Variants in SENP5 observed in about 807,000 individuals in gnomAD.
The protein encoded by SENP5 is sentrin-specific protease 5.
Under a neutral mutation model 74.2 loss-of-function variants are expected in SENP5, and 21 were observed. The observed-to-expected ratio is 0.28, with a 90% CI of 0.20 to 0.41. The LOEUF (loss-of-function observed/expected upper bound fraction) is 0.41. SENP5 is among the 10% of genes least tolerant of loss of function. SENP5 has a pLI of 1.00. For missense variants in SENP5, 717 were observed against 889.1 expected, an observed-to-expected ratio of 0.81 and a Z score of 2.46; for synonymous variants, 311 against 312.7, an observed-to-expected ratio of 0.99 and a Z score of 0.06.
intron 2 of SENP5, among the ~76,000 whole-genome samples, chr3:196,888,997 T>G (rs949874438): frequency 6.6e-6 from 1 of 151,768 alleles, no homozygotes; most frequent in Admixed American, 6.6e-5. Context: ...GCGCCTGTAG[T>G]CCCCACTACT....
At chr3:196,869,848 T>C (rs1308316126) in intron 1 of SENP5, among the ~76,000 whole-genome samples, 10 of 141,458 alleles carry the variant, frequency 7.1e-5, no homozygotes, top group Non-Finnish European at 1.5e-4. Context: ...ATCAGCCTTT[T>C]TTTTTTTTTT....
intron 6 of SENP5, 115 bp downstream of exon 6, chr3:196,903,725 A>C: frequency 1.7e-6 from 1 of 590,084 alleles, no homozygotes; most frequent in Non-Finnish European, 2.9e-6. Flanking sequence ...CAGACTTTTT[A>C]ATGTGACAAG....
At chr3:196,925,363 T>TGAGC (rs1311729821) in intron 7 of SENP5, among the ~76,000 whole-genome samples, 1 of 152,192 alleles carries the variant, frequency 6.6e-6, no homozygotes, top group Non-Finnish European at 1.5e-5. Context: ...ATACCAGATG[T>TGAGC]GAGCGTCTTT....
At chr3:196,883,610 A>G (rs775933443) in intron 1 of SENP5, among the ~76,000 whole-genome samples, 1 of 151,718 alleles carries the variant, frequency 6.6e-6, no homozygotes, top group Admixed American at 6.6e-5. Flanking sequence ...TTCCTTTTCA[A>G]CACCACCCAT....
At chr3:196,922,029 A>G (rs1310122602) in intron 6 of SENP5, among the ~76,000 whole-genome samples, 2 of 152,188 alleles carry the variant, frequency 1.3e-5, no homozygotes. Context: ...AGGGATATAT[A>G]TTATGATATA....
chr3:196,903,694 C>T, intron 6 of SENP5, 84 bp downstream of exon 6: 1 of 708,436 alleles, frequency 1.4e-6, no homozygotes, highest in Non-Finnish European at 2.4e-6. Flanking sequence ...ACTTTAATGC[C>T]AATACGATGT....
chr3:196,898,805 A>T lies in SENP5; in HGVS notation c.1514-861A>T, dbSNP rs754933683. ...TTCCATTCCATTGGAAGATGATTCC[A>T]TTCGAGACCATTCGATGATTGCATT... On this transcript the variant is annotated intron_variant, in intron 2 of 9. Transcript: ENST00000323460. 2.6e-5 allele frequency among the ~76,000 whole-genome samples: 4 copies of T among 152,128 alleles called. No individual in the cohort carries two copies. In the East Asian group the frequency reaches 7.7e-4, roughly 29 times the overall value.
At chr3:196,889,124 T>A (rs1018341957) in intron 2 of SENP5, among the ~76,000 whole-genome samples, 2 of 149,764 alleles carry the variant, frequency 1.3e-5, no homozygotes, top group Non-Finnish European at 3.0e-5. Flanking sequence ...TCAAAAAAAA[T>A]AAAAATAAAT....
intron 2 of SENP5, among the ~76,000 whole-genome samples, chr3:196,887,395 G>T (rs1040068041): frequency 3.3e-5 from 5 of 152,092 alleles, no homozygotes; most frequent in African/African-American, 1.2e-4. Context: ...GGCCAGGCTG[G>T]TCTCGACCTC....
intron 5 of SENP5, among the ~76,000 whole-genome samples, chr3:196,902,933 AT>A (rs1299863801): frequency 6.6e-6 from 1 of 152,002 alleles, no homozygotes; most frequent in Non-Finnish European, 1.5e-5. Context: ...TTGTTACCTC[AT>A]TTTTTCATAG....
chr3:196,868,832 AAATTT>A (rs1022125265), intron 1 of SENP5, among the ~76,000 whole-genome samples: 2 of 152,150 alleles, frequency 1.3e-5, no homozygotes, highest in African/African-American at 4.8e-5. Context: ...GAATCTGGTT[AAATTT>A]AATTTAAGAA....
chr3:196,868,282 C>T (rs1248815038), intron 1 of SENP5, among the ~76,000 whole-genome samples: 1 of 152,252 alleles, frequency 6.6e-6, no homozygotes, highest in Non-Finnish European at 1.5e-5. Flanking sequence ...GGGGCCGCTG[C>T]CCTGCGCTCT....
At chr3:196,883,713 A>G (rs1713825674) in intron 1 of SENP5, among the ~76,000 whole-genome samples, 1 of 151,036 alleles carries the variant, frequency 6.6e-6, no homozygotes, top group Non-Finnish European at 1.5e-5. Flanking sequence ...TTGGAGACAG[A>G]GCTTCACTCT....
At chr3:196,880,531 C>G (rs952792576) in intron 1 of SENP5, among the ~76,000 whole-genome samples, 2 of 152,062 alleles carry the variant, frequency 1.3e-5, no homozygotes, top group Non-Finnish European at 2.9e-5. Flanking sequence ...CAGGATTATA[C>G]CTTGTTTAAT....
At chr3:196,924,640 T>C (rs1033844671) in intron 7 of SENP5, among the ~76,000 whole-genome samples, 1 of 152,180 alleles carries the variant, frequency 6.6e-6, no homozygotes, top group African/African-American at 2.4e-5. Context: ...TATAAATTGA[T>C]ACAGCCGCTT....
chr3:196,874,820 A>T (rs1280546783), intron 1 of SENP5, among the ~76,000 whole-genome samples: 1 of 152,132 alleles, frequency 6.6e-6, no homozygotes, highest in Non-Finnish European at 1.5e-5. Flanking sequence ...CGGAGGTTGC[A>T]GTGAGCTGAG....
chr3:196,880,710 C>T (rs34665345), intron 1 of SENP5, among the ~76,000 whole-genome samples: 26,636 of 134,478 alleles, frequency 0.2, 3,241 homozygotes, highest in Admixed American at 0.27. Flanking sequence ...GGCGTGATTT[C>T]GGCTCACTGT....
At chr3:196,915,609 C>T (rs1203042822) in intron 6 of SENP5, among the ~76,000 whole-genome samples, 1 of 152,196 alleles carries the variant, frequency 6.6e-6, no homozygotes, top group Non-Finnish European at 1.5e-5. Context: ...AGACCCAGTA[C>T]TATGCTGTGT....
intron 5 of SENP5, among the ~76,000 whole-genome samples, chr3:196,903,213 C>T (rs939538932): frequency 6.6e-6 from 1 of 152,108 alleles, no homozygotes. Flanking sequence ...GATCTCAGCT[C>T]ACTACAACCT....
Sources: allele counts gnomAD v4.1 joint callset (sites outside exome capture counted in the v4.1 genomes callset), GRCh38; gene constraint gnomAD v4.1.1; transcripts MANE v1.5; gene names NCBI Gene and HGNC (gene_info 2026-07-23, HGNC 2026-07-21).